PCDHGA6: variants seen among roughly 807,000 people sequenced by gnomAD.
The protein encoded by PCDHGA6 is protocadherin gamma-A6.
In PCDHGA6, 41 loss-of-function variants were observed where a neutral mutation model predicts 60.6. The observed-to-expected ratio is 0.68, with a 90% CI of 0.53 to 0.88. The LOEUF is 0.88. Ranked by LOEUF, PCDHGA6 falls within the 40% of genes least tolerant of loss-of-function variation. PCDHGA6 has a pLI of 0.00. For missense variants in PCDHGA6, 1,312 were observed against 1,203.0 expected, an observed-to-expected ratio of 1.09 and a Z score of -1.34; for synonymous variants, 594 against 524.4, an observed-to-expected ratio of 1.13 and a Z score of -1.81.
chr5:141,414,789 C>T, intron 1 of PCDHGA6: 1 of 1,614,218 alleles, frequency 6.2e-7, no homozygotes, highest in East Asian at 2.2e-5. Context: ...AGGTGACAGC[C>T]AGCGACAGCG....
intron 1 of PCDHGA6, chr5:141,478,477 C>T: frequency 6.2e-7 from 1 of 1,613,796 alleles, no homozygotes; most frequent in Non-Finnish European, 8.5e-7. Flanking sequence ...GCCGCCAGAA[C>T]ACGCTGCGGA....
chr5:141,458,409 G>A (rs188300064), intron 1 of PCDHGA6, among the ~76,000 whole-genome samples: 2 of 152,126 alleles, frequency 1.3e-5, no homozygotes, highest in East Asian at 1.9e-4. Context: ...GAGACGGAGC[G>A]GGGGTTCCAA....
chr5:141,477,565 C>T lies in PCDHGA6; in HGVS notation c.2425-17242C>T, dbSNP rs1168703868. 3.1e-6 allele frequency: 5 copies of T among 1,614,146 alleles called. No homozygotes were observed. The highest frequency in any genetic ancestry group is 4.2e-6 in the Non-Finnish European group (5 of 1,180,030). On this transcript the variant is annotated intron_variant, in intron 1 of 3. Transcript: ENST00000517434. The surrounding 1 kb of genome is among the most constrained non-coding windows in gnomAD (Gnocchi z 4.9). ...CAATACTAAACCTAAGTGTCTGGGA[C>T]CCCGACGCCCCGCAGAATGCTCGGC... is the stretch of plus-strand genomic sequence containing the variant.
intron 1 of PCDHGA6, chr5:141,418,560 A>G (rs752240769): frequency 1.2e-6 from 2 of 1,614,034 alleles, no homozygotes; most frequent in Non-Finnish European, 1.7e-6. Context: ...CTGGTAATAG[A>G]TGCCAATGAC....
At chr5:141,423,332 C>T in intron 1 of PCDHGA6, 1 of 1,614,198 alleles carries the variant, frequency 6.2e-7, no homozygotes, top group South Asian at 1.1e-5. Flanking sequence ...GCCGCAGTCT[C>T]CTGCATCTTC....
intron 1 of PCDHGA6, among the ~76,000 whole-genome samples, chr5:141,435,698 A>G (rs954167256): frequency 1.3e-5 from 2 of 152,184 alleles, no homozygotes; most frequent in African/African-American, 4.8e-5. Context: ...CTTATTGTAG[A>G]GTGGTTACAG....
At position 141,399,853 on chromosome 5, in the gene PCDHGA6, C is replaced by T. The variant is rs530551805; in HGVS notation, c.2424+23346C>T. 48 of 1,612,978 alleles carry T rather than the reference C, an allele frequency of 3.0e-5. 1 individual carries two copies. In the East Asian group the frequency reaches 9.4e-4, roughly 31 times the overall value. On this transcript the variant is annotated intron_variant, in intron 1 of 3. Transcript: ENST00000517434. ...CTCTGCGCTCTTCGATATGGTGCCGCGCGCTGCAGAGCCCGGCTACCTGGT... is the reference window on the plus strand; with the variant it reads ...CTCTGCGCTCTTCGATATGGTGCCGTGCGCTGCAGAGCCCGGCTACCTGGT...
intron 1 of PCDHGA6, chr5:141,393,488 A>G: frequency 1.9e-6 from 3 of 1,614,066 alleles, no homozygotes; most frequent in Non-Finnish European, 2.5e-6. Context: ...GCTCTAGCAC[A>G]GTGCGCATCC....
intron 1 of PCDHGA6, chr5:141,410,263 A>G (rs532833925): frequency 1.4e-5 from 22 of 1,613,876 alleles, no homozygotes; most frequent in African/African-American, 2.7e-5. Flanking sequence ...CCCAGGCTGA[A>G]CTGCAGTTTT....
intron 1 of PCDHGA6, among the ~76,000 whole-genome samples, chr5:141,444,312 C>G (rs2098431691): frequency 6.6e-6 from 1 of 151,856 alleles, no homozygotes; most frequent in Non-Finnish European, 1.5e-5. Flanking sequence ...GCTAGGATTA[C>G]AGGCATGTGC....
intron 2 of PCDHGA6, among the ~76,000 whole-genome samples, chr5:141,503,998 A>G (rs746158378): frequency 4.6e-5 from 7 of 152,104 alleles, no homozygotes; most frequent in Admixed American, 1.3e-4. Context: ...CCTTACAGTC[A>G]CTTAACTGTC....
chr5:141,387,756 A>G, intron 1 of PCDHGA6: 1 of 1,413,288 alleles, frequency 7.1e-7, no homozygotes, highest in Non-Finnish European at 9.4e-7. Context: ...CTCCTCGGAA[A>G]AAGAAGAATT....
rs1211342702 is a variant in PCDHGA6, at chr5:141,376,310, G to A, written c.2227G>A (p.Val743Met). The stretch of plus-strand genomic sequence containing the variant: ...CATGCCCGGCTCGCACTTTGTGGGC[G>A]TGGAAGGGGTTCGGGCTTTCCTGCA... ...ASMPGSHFVG[V>M]EGVRAFLQTY... The change falls in exon 1 of 4, where the codon GTG (valine) becomes ATG (methionine). Residue 743 changes from valine (V) to methionine (M), a missense_variant. Val to Met is a conservative substitution (Grantham distance 21). Transcript: ENST00000517434. 5 of 1,613,822 alleles carry A rather than the reference G, an allele frequency of 3.1e-6. No homozygotes were observed. The highest frequency in any genetic ancestry group is 2.2e-5 in the East Asian group (1 of 44,892).
At position 141,485,222 on chromosome 5, in the gene PCDHGA6, C is replaced by T; in HGVS notation, c.2425-9585C>T. On this transcript the variant is annotated intron_variant, in intron 1 of 3. Transcript: ENST00000517434. The surrounding 1 kb of genome is among the most constrained non-coding windows in gnomAD (Gnocchi z 5.7). The stretch of plus-strand genomic sequence containing the variant: ...GACAGAAATCTGGCGGTGGGCTACC[C>T]TTTTGTTCCTCTTTTACCACCTGGG... 4 of 1,614,196 alleles carry T rather than the reference C, an allele frequency of 2.5e-6. No homozygotes were observed. Among genetic ancestry groups the T allele is most frequent in the Non-Finnish European group, 2.5e-6 (3 of 1,180,020 alleles).
At chr5:141,502,309 T>G (rs1395136136) in intron 2 of PCDHGA6, among the ~76,000 whole-genome samples, 2 of 152,196 alleles carry the variant, frequency 1.3e-5, no homozygotes, top group Admixed American at 6.5e-5. Flanking sequence ...TTTCCTCTCC[T>G]TTAATCTGGA....
At chr5:141,393,017 C>T (rs1192044321) in intron 1 of PCDHGA6, 2 of 1,613,754 alleles carry the variant, frequency 1.2e-6, no homozygotes, top group Non-Finnish European at 1.7e-6. Context: ...GTATCGTCTC[C>T]AGAGGTAGGA....
intron 1 of PCDHGA6, among the ~76,000 whole-genome samples, chr5:141,450,315 G>A (rs1319432573): frequency 1.3e-5 from 2 of 151,918 alleles, no homozygotes; most frequent in African/African-American, 4.8e-5. Context: ...GTGTGGCCTA[G>A]TTGCCATGTC....
chr5:141,382,899 T>A, intron 1 of PCDHGA6: 1 of 1,541,826 alleles, frequency 6.5e-7, no homozygotes. Context: ...GCAGGACGAC[T>A]ATGGCGGCTC....
chr5:141,398,660 T>C, intron 1 of PCDHGA6: 2 of 1,614,038 alleles, frequency 1.2e-6, no homozygotes, highest in Non-Finnish European at 1.7e-6. Context: ...AACCCAAGTT[T>C]CTCATTAATA....
Sources: gnomAD v4.1 joint callset for allele counts (sites outside exome capture counted in the v4.1 genomes callset) on GRCh38, gnomAD v4.1.1 for gene constraint, Gnocchi (gnomAD v3.1) non-coding constraint, MANE v1.5 for transcripts, NCBI Gene and HGNC (gene_info 2026-07-23, HGNC 2026-07-21) for gene names.